The following AGMO variants were observed in gnomAD, a reference collection of about 807,000 sequenced individuals.
AGMO encodes the protein glyceryl-ether monooxygenase.
In AGMO, 75 loss-of-function variants were observed where a neutral mutation model predicts 60.2. The ratio of observed to expected loss-of-function variants is 1.25; its 90% CI spans 1.03 to 1.51. The LOEUF (loss-of-function observed/expected upper bound fraction) is 1.51. Ranked by LOEUF, AGMO falls within the 40% of genes most tolerant of loss-of-function variation. AGMO has a pLI of 0.00. For synonymous variants in AGMO, 261 were observed against 177.1 expected (o/e 1.47, Z -3.76); for missense variants, 763 against 525.5 (o/e 1.45, Z -4.42).
intron 3 of AGMO, among the ~76,000 whole-genome samples, chr7:15,453,131 T>C (rs1293393098): frequency 2.6e-5 from 4 of 152,272 alleles, no homozygotes; most frequent in Middle Eastern, 3.4e-3. Context: ...ATGAAAATGT[T>C]CTGGAATTAG....
At chr7:15,543,700 G>T (rs1354357020) in intron 3 of AGMO, among the ~76,000 whole-genome samples, 1 of 151,962 alleles carries the variant, frequency 6.6e-6, no homozygotes, top group African/African-American at 2.4e-5. Context: ...ATAATGGAAG[G>T]CAGTATATTA....
At chr7:15,307,626 C>T (rs1248140618) in intron 12 of AGMO, among the ~76,000 whole-genome samples, 2 of 151,918 alleles carry the variant, frequency 1.3e-5, no homozygotes, top group Admixed American at 1.3e-4. Context: ...AAGGTGATTG[C>T]TTCTATGCAT....
intron 12 of AGMO, among the ~76,000 whole-genome samples, chr7:15,254,828 A>C (rs1195440047): frequency 6.6e-6 from 1 of 152,146 alleles, no homozygotes; most frequent in South Asian, 2.1e-4. Context: ...GAATCATAAG[A>C]AACTACTATA....
the AGMO span, among the ~76,000 whole-genome samples, chr7:15,133,319 T>G: frequency 6.6e-6 from 1 of 152,096 alleles, no homozygotes; most frequent in Non-Finnish European, 1.5e-5. Flanking sequence ...GCTACTCAGG[T>G]AAAGACAAAA....
chr7:15,177,151 C>T, the AGMO span, among the ~76,000 whole-genome samples: 42 of 151,970 alleles, frequency 2.8e-4, no homozygotes, highest in African/African-American at 9.9e-4. Context: ...AATACAACTG[C>T]TCCATCCAAA....
chr7:15,366,279 C>A (rs904456314), intron 10 of AGMO, 57 bp from the exon 11 acceptor site: 2 of 1,373,320 alleles, frequency 1.5e-6, no homozygotes, highest in South Asian at 1.3e-5. Context: ...AAAAGGTACA[C>A]GAACGGTTAA....
At chr7:15,486,304 T>C (rs1048484394) in intron 3 of AGMO, among the ~76,000 whole-genome samples, 13 of 152,154 alleles carry the variant, frequency 8.5e-5, no homozygotes, top group Non-Finnish European at 5.9e-5. Context: ...GCAGTATTGA[T>C]TCTAGGAAGA....
At chr7:15,394,232 T>TA in intron 5 of AGMO, 53 bp from the exon 6 acceptor site, 1 of 1,274,872 alleles carries the variant, frequency 7.8e-7, no homozygotes, top group Non-Finnish European at 1.1e-6. Context: ...AAATGTGTGT[T>TA]AGTATATAAA....
rs11417689 is a variant in AGMO, at chr7:15,346,617, T to TAAAAA, written c.1263+18892_1263+18896dup. ...TTTTTGTATCATAAATCTTAAAAAG[T>TAAAAA]AAAAAAAAAAAATACCATAAAGAAG... is the stretch of plus-strand genomic sequence containing the variant. On this transcript the variant is annotated intron_variant, in intron 12 of 12. Transcript: ENST00000342526. Among the ~76,000 whole-genome samples the TAAAAA allele has an allele frequency of 4.9e-3, 715 of 145,802 alleles. 7 individuals carry two copies. The highest frequency in any genetic ancestry group is 0.017 in the African/African-American group (672 of 40,026).
chr7:15,221,152 T>C (rs994400829), intron 12 of AGMO, among the ~76,000 whole-genome samples: 2 of 152,058 alleles, frequency 1.3e-5, no homozygotes, highest in African/African-American at 2.4e-5. Context: ...TCACCGAAAA[T>C]GTAGGAGAAT....
intron 4 of AGMO, among the ~76,000 whole-genome samples, chr7:15,421,251 G>A (rs10269740): frequency 6.9e-4 from 105 of 152,180 alleles, no homozygotes; most frequent in African/African-American, 2.4e-3. Context: ...GCCTGTGTGC[G>A]TGGGAGAGTG....
At chr7:15,499,919 A>G (rs1783332423) in intron 3 of AGMO, among the ~76,000 whole-genome samples, 1 of 99,010 alleles carries the variant, frequency 1.0e-5, no homozygotes, top group Non-Finnish European at 2.3e-5. Context: ...ACACACACAC[A>G]CACACACACA....
At chr7:15,402,815 T>A (rs1784588134) in intron 5 of AGMO, among the ~76,000 whole-genome samples, 1 of 151,720 alleles carries the variant, frequency 6.6e-6, no homozygotes, top group Admixed American at 6.6e-5. Flanking sequence ...TCAAAATCTC[T>A]TACTCAAAGC....
chr7:15,551,197 C>A (rs1387866767), intron 2 of AGMO, among the ~76,000 whole-genome samples: 1 of 151,938 alleles, frequency 6.6e-6, no homozygotes, highest in African/African-American at 2.4e-5. Context: ...TATGACAAAC[C>A]CACAGCCAAT....
intron 10 of AGMO, among the ~76,000 whole-genome samples, chr7:15,372,471 A>C (rs1244324772): frequency 6.6e-6 from 1 of 152,088 alleles, no homozygotes; most frequent in Non-Finnish European, 1.5e-5. Flanking sequence ...TAAATAAATA[A>C]ATAAATTCTA....
intron 3 of AGMO, among the ~76,000 whole-genome samples, chr7:15,439,526 A>C (rs955363338): frequency 1.3e-5 from 2 of 152,196 alleles, no homozygotes; most frequent in Non-Finnish European, 2.9e-5. Context: ...GTTTAACAAA[A>C]CATATCAAAG....
intron 12 of AGMO, among the ~76,000 whole-genome samples, chr7:15,339,323 T>C (rs1476358316): frequency 6.6e-6 from 1 of 152,222 alleles, no homozygotes; most frequent in East Asian, 1.9e-4. Flanking sequence ...TTTACAGAAT[T>C]AGATATCCAA....
intron 3 of AGMO, among the ~76,000 whole-genome samples, chr7:15,495,812 G>A (rs1404078738): frequency 7.0e-6 from 1 of 141,876 alleles, no homozygotes; most frequent in Non-Finnish European, 1.5e-5. Flanking sequence ...TGTAAGTGGG[G>A]ATGGAGACTC....
intron 12 of AGMO, among the ~76,000 whole-genome samples, chr7:15,341,586 C>A (rs1781849851): frequency 6.6e-6 from 1 of 152,176 alleles, no homozygotes. Flanking sequence ...CCAAGCTTTG[C>A]CTGTTACACA....
Sources: allele counts gnomAD v4.1 joint callset (sites outside exome capture counted in the v4.1 genomes callset), GRCh38; gene constraint gnomAD v4.1.1; transcripts MANE v1.5; gene names NCBI Gene and HGNC (gene_info 2026-07-23, HGNC 2026-07-21).